The following CACNA1E variants were observed in gnomAD, a reference collection of about 807,000 sequenced individuals.
The protein encoded by CACNA1E is calcium voltage-gated channel subunit alpha1 E, also known as voltage-dependent R-type calcium channel subunit alpha-1E.
Under a neutral mutation model 259.2 loss-of-function variants are expected in CACNA1E, and 40 were observed. The observed-to-expected ratio is 0.15, with a 90% CI of 0.12 to 0.20. CACNA1E has a LOEUF of 0.20. Ranked by LOEUF, CACNA1E falls within the 10% of genes least tolerant of loss-of-function variation. The probability of loss-of-function intolerance (pLI) is 1.00; values close to 1 mark genes in which losing one functional copy is unlikely to be tolerated. For synonymous variants in CACNA1E, 1,104 were observed against 1,138.5 expected (o/e 0.97, Z 0.61); for missense variants, 1,874 against 3,040.1 (o/e 0.62, Z 9.02).
intron 3 of CACNA1E, among the ~76,000 whole-genome samples, chr1:181,562,834 T>A (rs986950682): frequency 1.4e-4 from 22 of 152,206 alleles, no homozygotes; most frequent in African/African-American, 5.1e-4. Context: ...CTCTAACAAC[T>A]CAGCATTTTA....
chr1:181,368,945 C>T (rs1283208549), intron 1 of CACNA1E, among the ~76,000 whole-genome samples: 2 of 152,160 alleles, frequency 1.3e-5, no homozygotes, highest in Admixed American at 1.3e-4. Context: ...ATGATATATG[C>T]AAAGCACTGG....
At chr1:181,433,054 G>A (rs149812335) in intron 2 of CACNA1E, among the ~76,000 whole-genome samples, 4 of 152,278 alleles carry the variant, frequency 2.6e-5, no homozygotes, top group African/African-American at 9.6e-5. Flanking sequence ...ACAGTGTCAG[G>A]CGCTCAGCAG....
At chr1:181,656,306 T>C (rs1479755416) in intron 7 of CACNA1E, among the ~76,000 whole-genome samples, 1 of 152,016 alleles carries the variant, frequency 6.6e-6, no homozygotes, top group Non-Finnish European at 1.5e-5. Context: ...TGGGACAAGA[T>C]ATGGAGGTGG....
intron 1 of CACNA1E, among the ~76,000 whole-genome samples, chr1:181,349,714 T>G (rs935511631): frequency 6.6e-6 from 1 of 151,988 alleles, no homozygotes; most frequent in Admixed American, 6.6e-5. Flanking sequence ...GACTCCAGGC[T>G]GCATAGGGAG....
In CACNA1E at chr1:181,732,844, C is replaced by T. The variant is rs769232172; in HGVS notation, c.2758C>T (p.Arg920Cys). 35 of 1,613,374 alleles carry T rather than the reference C, an allele frequency of 2.2e-5. No individual in the cohort carries two copies. The highest frequency in any genetic ancestry group is 6.7e-5 in the African/African-American group (5 of 74,932). The change falls in exon 20 of 48, where the codon CGC (arginine) becomes TGC (cysteine). Residue 920 changes from arginine to cysteine, a missense_variant. Arg to Cys is a radical substitution (Grantham distance 180). This residue lies in a region of CACNA1E where 476 missense variants were observed against 514.0 expected (regional missense o/e 0.93). Transcript: ENST00000367573. The surrounding 1 kb of genome is among the most constrained non-coding windows in gnomAD (Gnocchi z 5.5). Reference sequence around the variant, plus strand: ...GGCCAGGCACAGGCAGAGCCAACGGCGCAGCCGGCATCGCCGCGTCAGGAC... The same window carrying T: ...GGCCAGGCACAGGCAGAGCCAACGGTGCAGCCGGCATCGCCGCGTCAGGAC... ...DRARHRQSQRRSRHRRVRTEG... is the reference protein window; with the variant it reads ...DRARHRQSQRCSRHRRVRTEG...
intron 1 of CACNA1E, among the ~76,000 whole-genome samples, chr1:181,322,865 T>C (rs553714750): frequency 1.1e-4 from 16 of 152,174 alleles, no homozygotes; most frequent in Non-Finnish European, 1.9e-4. Flanking sequence ...GGATTGGTAG[T>C]GACAGCAGCA....
intron 3 of CACNA1E, among the ~76,000 whole-genome samples, chr1:181,548,536 A>G (rs1281688038): frequency 2.0e-5 from 3 of 152,206 alleles, no homozygotes; most frequent in Admixed American, 2.0e-4. Flanking sequence ...CTTTCTTTGT[A>G]TGGCCCGTAG....
chr1:181,613,181 G>A (rs1654902538), intron 6 of CACNA1E, among the ~76,000 whole-genome samples: 1 of 152,006 alleles, frequency 6.6e-6, no homozygotes, highest in African/African-American at 2.4e-5. Context: ...TTCTAAATTT[G>A]TTCTCTATTT....
intron 1 of CACNA1E, among the ~76,000 whole-genome samples, chr1:181,501,417 C>G (rs543216857): frequency 6.6e-6 from 1 of 152,336 alleles, no homozygotes; most frequent in South Asian, 2.1e-4. Context: ...CTTTCAGCCA[C>G]TTTATCCAGA....
At chr1:181,544,731 A>G (rs12024842) in intron 3 of CACNA1E, among the ~76,000 whole-genome samples, 15,790 of 152,174 alleles carry the variant, frequency 0.1, 1,049 homozygotes, top group South Asian at 0.27. Flanking sequence ...AGCTGTGGAC[A>G]TGGTGGGGAA....
chr1:181,771,951 A>T (rs1659555774), intron 36 of CACNA1E, 115 bp from the exon 37 acceptor site: 2 of 905,598 alleles, frequency 2.2e-6, no homozygotes, highest in Admixed American at 4.7e-5. Flanking sequence ...CTGGGTAAAA[A>T]GAGAGCCTGT....
chr1:181,580,380 C>T (rs1384581008), intron 5 of CACNA1E, among the ~76,000 whole-genome samples: 7 of 152,048 alleles, frequency 4.6e-5, no homozygotes, highest in Non-Finnish European at 7.4e-5. Flanking sequence ...AGGAGAGGCT[C>T]CATTTTTCAG....
chr1:181,733,626 C>T lies in CACNA1E; in HGVS notation c.3138C>T (p.Ile1046=), dbSNP rs1173909125. The T allele has an allele frequency of 1.2e-6, 2 of 1,613,018 alleles. No individual in the cohort carries two copies. Among genetic ancestry groups the T allele is most frequent in the African/African-American group, 1.3e-5 (1 of 74,872 alleles). ...GNVQLDMGRV[I]SQSEPDLSCI... is the part of the protein sequence containing the mutation. ...TGCAGCTAGACATGGGCCGGGTCATCAGCCAGAGCGAGCCTGACCTCTCCT... is the reference window on the plus strand; with the variant it reads ...TGCAGCTAGACATGGGCCGGGTCATTAGCCAGAGCGAGCCTGACCTCTCCT... Residue 1046 remains isoleucine, a synonymous_variant, in exon 21 of 48, where the codon ATC becomes ATT. Coordinates refer to ENST00000367573, the MANE Select transcript of CACNA1E (RefSeq NM_001205293.3).
intron 6 of CACNA1E, 66 bp downstream of exon 6, chr1:181,580,842 G>GT: frequency 6.7e-7 from 1 of 1,486,186 alleles, no homozygotes; most frequent in Non-Finnish European, 9.3e-7. Context: ...TTCTGTGGTT[G>GT]TTTGGCCTGG....
chr1:181,771,576 A>G (rs1333821702), intron 36 of CACNA1E, 192 bp downstream of exon 36: 15 of 567,022 alleles, frequency 2.6e-5, no homozygotes, highest in Non-Finnish European at 3.5e-5. Context: ...GTCTACAGCC[A>G]TACCACCATG....
chr1:181,599,423 T>A (rs1653527270), intron 6 of CACNA1E, among the ~76,000 whole-genome samples: 1 of 152,244 alleles, frequency 6.6e-6, no homozygotes, highest in Non-Finnish European at 1.5e-5. Context: ...CAATGCCTAC[T>A]GATCCCTCAA....
At chr1:181,710,402 A>G (rs1325689981) in intron 7 of CACNA1E, among the ~76,000 whole-genome samples, 1 of 152,208 alleles carries the variant, frequency 6.6e-6, no homozygotes, top group Non-Finnish European at 1.5e-5. Flanking sequence ...TTAGGGTTCA[A>G]ATCCCAGCAA....
At chr1:181,545,885 A>C (rs1647396022) in intron 3 of CACNA1E, among the ~76,000 whole-genome samples, 1 of 152,046 alleles carries the variant, frequency 6.6e-6, no homozygotes, top group Non-Finnish European at 1.5e-5. Context: ...CTGTTCCTTC[A>C]GGAGTGTTCT....
intron 3 of CACNA1E, among the ~76,000 whole-genome samples, chr1:181,549,392 G>A (rs1212154083): frequency 6.6e-6 from 1 of 152,188 alleles, no homozygotes; most frequent in Non-Finnish European, 1.5e-5. Context: ...AAGAGAGAGG[G>A]ATCAGTCGTA....
Sources: allele counts gnomAD v4.1 joint callset (sites outside exome capture counted in the v4.1 genomes callset), GRCh38; gene constraint gnomAD v4.1.1; regional missense constraint gnomAD v4.1.1; non-coding constraint Gnocchi (gnomAD v3.1); transcripts MANE v1.5; gene names NCBI Gene and HGNC (gene_info 2026-07-23, HGNC 2026-07-21).